The following INF2 variants were observed in gnomAD, a reference collection of about 807,000 sequenced individuals.
INF2 encodes inverted formin 2, also known as inverted formin-2.
INF2 carries 43 observed loss-of-function variants against 123.5 expected under a neutral mutation model. That is an observed-to-expected ratio of 0.35 (90% CI 0.27 to 0.45). The LOEUF (loss-of-function observed/expected upper bound fraction) is 0.45. Among genes scored for constraint, INF2 ranks in the 20% least tolerant of loss-of-function variants. The pLI is 1.00. For synonymous variants in INF2, 851 were observed against 745.0 expected (o/e 1.14, Z -2.32); for missense variants, 1,453 against 1,682.7 (o/e 0.86, Z 2.39).
At position 104,718,667 on chromosome 14, in the gene INF2, G is replaced by GATGCAT; in HGVS notation, c.*2-127_*2-122dup. 2.0e-6 allele frequency: 3 copies of GATGCAT among 1,505,732 alleles called. No individual in the cohort carries two copies. In the South Asian group the frequency reaches 3.7e-5, roughly 19 times the overall value. 93.3% of individuals were successfully genotyped at this position (1,505,732 alleles called of 1,614,324 possible). Reference sequence around the variant, plus strand: ...GAGCCTGGGGTCAGAGTGGACCTGCGATGCATGGCACAACCTGCTGGACAG... The same window carrying GATGCAT: ...GAGCCTGGGGTCAGAGTGGACCTGCGATGCATATGCATGGCACAACCTGCTGGACAG... On this transcript the variant is annotated intron_variant, in intron 22 of 22. Coordinates refer to ENST00000392634, the MANE Select transcript of INF2 (RefSeq NM_022489.4).
At position 104,712,461 on chromosome 14, in the gene INF2, G is replaced by A. The variant is rs748338859; in HGVS notation, c.2518G>A (p.Ala840Thr). The change falls in exon 17 of 23, where the codon GCC (alanine) becomes ACC (threonine). Residue 840 changes from alanine (A) to threonine (T), a missense_variant. Physicochemically the swap from Ala to Thr is moderately conservative, Grantham distance 58 (BLOSUM62 0). Coordinates refer to ENST00000392634, the MANE Select transcript of INF2 (RefSeq NM_022489.4). ...GINLEIIRSEASSNLKKLLET... is the reference protein window; with the variant it reads ...GINLEIIRSETSSNLKKLLET... Reference sequence around the variant, plus strand: ...CAACCTGGAGATCATCCGCTCAGAGGCCAGCTCCAACCTGAAGAAGCTTCT... The same window carrying A: ...CAACCTGGAGATCATCCGCTCAGAGACCAGCTCCAACCTGAAGAAGCTTCT... The A allele has an allele frequency of 3.1e-6, 5 of 1,612,518 alleles. No homozygotes were observed. The African/African-American group carries it at 5.3e-5, about 17-fold the overall frequency.
chr14:104,710,908 C>T (rs2140682704), intron 13 of INF2, 29 bp from the exon 14 acceptor site: 1 of 1,605,502 alleles, frequency 6.2e-7, no homozygotes, highest in Non-Finnish European at 8.5e-7. Flanking sequence ...GAACCAAGAG[C>T]CCCTCTCCAG....
chr14:104,690,588 A>ACCAGGAAC (rs1188789689), intron 1 of INF2: 1 of 152,566 alleles, frequency 6.6e-6, no homozygotes, highest in Non-Finnish European at 1.5e-5. Flanking sequence ...CAGGCAGGGA[A>ACCAGGAAC]CCAGGAACCC....
At chr14:104,698,874 C>A (rs1889330144) in intron 1 of INF2, among the ~76,000 whole-genome samples, 1 of 152,238 alleles carries the variant, frequency 6.6e-6, no homozygotes, top group South Asian at 2.1e-4. Flanking sequence ...CTCACTGCCC[C>A]CAGACAGCAC....
chr14:104,721,821 T>C lies in INF2; in HGVS notation c.*3028T>C, dbSNP rs1890564458. On this transcript the variant is annotated 3_prime_UTR_variant, in exon 23 of 23. Transcript: ENST00000392634. ...TCCTCTGTGCTCCATGAGAAGTCAG[T>C]TTAGTGGGCTACAGCCAGCAAAGGA... The C allele has an allele frequency of 6.6e-6, 1 of 152,212 alleles. No homozygotes were observed. Among genetic ancestry groups the C allele is most frequent in the Admixed American group, 6.5e-5 (1 of 15,280 alleles). The allele number at this position is 152,212 out of a possible 1,614,324, so 9.4% of individuals were successfully genotyped here. A position where few individuals can be genotyped will look rare whatever the true frequency, so the allele number is the denominator to read the frequency against.
upstream of INF2, among the ~76,000 whole-genome samples, chr14:104,686,309 G>C (rs1358605674): frequency 6.6e-6 from 1 of 151,790 alleles, no homozygotes; most frequent in Non-Finnish European, 1.5e-5. Context: ...GGGTGGGTAG[G>C]TGGGTGGATG....
intron 6 of INF2, among the ~76,000 whole-genome samples, chr14:104,706,651 G>A (rs960769284): frequency 1.3e-5 from 2 of 152,192 alleles, no homozygotes; most frequent in African/African-American, 4.8e-5. Flanking sequence ...AACATCTGAA[G>A]ACATTTTTGG....
chr14:104,695,664 C>G (rs1314225092), intron 1 of INF2, among the ~76,000 whole-genome samples: 1 of 151,738 alleles, frequency 6.6e-6, no homozygotes, highest in Non-Finnish European at 1.5e-5. Flanking sequence ...CAGAGTCACC[C>G]TCCTCCCTGT....
chr14:104,710,765 G>A (rs1376469441), intron 13 of INF2, 172 bp from the exon 14 acceptor site: 4 of 616,550 alleles, frequency 6.5e-6, no homozygotes, highest in Non-Finnish European at 1.1e-5. Flanking sequence ...ACTCCCGTCG[G>A]TGGAGGGTTT....
In INF2 at chr14:104,711,008, G is replaced by A; in HGVS notation, c.2310+1G>A. The A allele has an allele frequency of 1.3e-6, 2 of 1,556,824 alleles. No homozygotes were observed. The highest frequency in any genetic ancestry group is 1.7e-6 in the Non-Finnish European group (2 of 1,160,150). On this transcript the variant is annotated splice_donor_variant, in intron 14 of 22. Transcript: ENST00000392634. LOFTEE classifies it high-confidence loss of function. ...GAGAATTGGGAACTTCCTCAACTAC[G>A]TAAGTCAGGGGCAGCTCCCCATCCC... is the stretch of plus-strand genomic sequence containing the variant.
chr14:104,681,384 C>A (rs775608965), exon 1 of INF2: 2 of 458,386 alleles, frequency 4.4e-6, no homozygotes, highest in Non-Finnish European at 8.7e-6. Flanking sequence ...TTGGCCCTCA[C>A]CTTGGGGACC....
At chr14:104,706,249 C>G in intron 6 of INF2, 73 bp downstream of exon 6, 5 of 1,454,374 alleles carry the variant, frequency 3.4e-6, no homozygotes, top group Non-Finnish European at 3.7e-6. Context: ...GAGGCTGGGC[C>G]TGGAACGGTC....
chr14:104,717,322 G>C (rs545353276), intron 22 of INF2, among the ~76,000 whole-genome samples: 1 of 127,948 alleles, frequency 7.8e-6, no homozygotes, highest in Non-Finnish European at 1.6e-5. Context: ...GCGCGCTGCC[G>C]TCCTCCTAGT....
At position 104,709,309 on chromosome 14, in the gene INF2, C is replaced by T. The variant is rs138577569; in HGVS notation, c.1978C>T (p.Arg660Trp). 1,108 of 1,613,070 alleles carry T rather than the reference C, an allele frequency of 6.9e-4. 22 individuals carry two copies. The East Asian group carries it at 0.024, about 35-fold the overall frequency. The change falls in exon 11 of 23, where the codon CGG (arginine) becomes TGG (tryptophan). Residue 660 changes from arginine (R) to tryptophan (W), a missense_variant. By Grantham distance (101) the Arg-to-Trp change is moderately radical. This residue lies in a region of INF2 where 192 missense variants were observed against 274.4 expected (regional missense o/e 0.70). Coordinates refer to ENST00000392634, the MANE Select transcript of INF2 (RefSeq NM_022489.4). ...CSNEEVAAMI[R>W]AGDTTKFDVE... ...CAACGAGGAGGTCGCTGCTATGATCCGGGCTGGAGATACCACCAAGTTTGA... is the reference window on the plus strand; with the variant it reads ...CAACGAGGAGGTCGCTGCTATGATCTGGGCTGGAGATACCACCAAGTTTGA...
intron 1 of INF2, chr14:104,700,838 G>C: frequency 1.0e-6 from 1 of 985,312 alleles, no homozygotes. Flanking sequence ...CGCTGCTGAC[G>C]CTGTGGGCAC....
chr14:104,706,356 G>T, intron 6 of INF2, among the ~76,000 whole-genome samples, 180 bp downstream of exon 6: 1 of 152,186 alleles, frequency 6.6e-6, no homozygotes, highest in Non-Finnish European at 1.5e-5. Context: ...GTTGGAAAGG[G>T]AGGTGGCGCC....
chr14:104,712,797 T>C, intron 17 of INF2, 31 bp from the exon 18 acceptor site: 1 of 1,586,024 alleles, frequency 6.3e-7, no homozygotes, highest in East Asian at 2.3e-5. Context: ...CGCGGGGCTC[T>C]CACGGGACTG....
At position 104,708,448 on chromosome 14, in the gene INF2, T is replaced by C; in HGVS notation, c.1748T>C (p.Met583Thr). The C allele has an allele frequency of 6.2e-7, 1 of 1,612,164 alleles. No individual in the cohort carries two copies. Among genetic ancestry groups the C allele is most frequent in the Non-Finnish European group, 8.5e-7 (1 of 1,179,788 alleles). ...PSNVAREHNS[M>T]WASLSSPDAE... ...CCCCACCCGACAGAGCACAACTCTA[T>C]GTGGGCGTCCCTGAGCAGCCCCGAC... Residue 583 changes from methionine (M) to threonine (T), a missense_variant, in exon 9 of 23, where the codon ATG becomes ACG. By Grantham distance (81) the Met-to-Thr change is moderately conservative. Transcript: ENST00000392634.
At chr14:104,712,037 A>C (rs573228089) in intron 16 of INF2, among the ~76,000 whole-genome samples, 1 of 152,240 alleles carries the variant, frequency 6.6e-6, no homozygotes, top group African/African-American at 2.4e-5. Flanking sequence ...ATAGATGAGG[A>C]AACGGAGGCC....
Sources: allele counts gnomAD v4.1 joint callset (sites outside exome capture counted in the v4.1 genomes callset), GRCh38; gene constraint gnomAD v4.1.1; regional missense constraint gnomAD v4.1.1; transcripts MANE v1.5; gene names NCBI Gene and HGNC (gene_info 2026-07-23, HGNC 2026-07-21).